The following ECH1 variants were observed in gnomAD, a reference collection of about 807,000 sequenced individuals.
ECH1 encodes the protein enoyl-CoA hydratase 1.
ECH1 carries 30 observed loss-of-function variants against 37.0 expected under a neutral mutation model. That is an observed-to-expected ratio of 0.81 (90% confidence interval 0.61 to 1.10). The LOEUF (loss-of-function observed/expected upper bound fraction) is 1.10, where lower values mean the gene tolerates loss of function less well. Ranked by LOEUF, ECH1 falls within the 50% of genes least tolerant of loss-of-function variation. The pLI, the probability that ECH1 is intolerant of heterozygous loss-of-function variation, is 0.00. For missense variants in ECH1, 456 were observed against 441.6 expected (o/e 1.03, Z -0.29); for synonymous variants, 178 against 176.0 (o/e 1.01, Z -0.09).
At chr19:38,819,146 G>C in intron 3 of ECH1, 1 of 985,390 alleles carries the variant, frequency 1.0e-6, no homozygotes, top group Non-Finnish European at 1.2e-6. Flanking sequence ...GCAGGACAGA[G>C]AGGTGAAAAG....
chr19:38,821,045 G>A (rs1025242094), intron 3 of ECH1, among the ~76,000 whole-genome samples: 2 of 152,260 alleles, frequency 1.3e-5, no homozygotes, highest in African/African-American at 2.4e-5. Flanking sequence ...TTGGGAGGCT[G>A]AGGCAGGAGG....
chr19:38,816,338 G>C lies in ECH1; in HGVS notation c.677C>G (p.Ala226Gly), dbSNP rs761626269. 1.1e-5 allele frequency: 17 copies of C among 1,613,710 alleles called. No individual in the cohort carries two copies. The South Asian group carries it at 1.9e-4, about 18-fold the overall frequency. ...IGNQSLVNEL[A>G]FTARKMMADE... Reference sequence around the variant, plus strand: ...AGCCATCATCTTGCGGGCGGTGAAGGCCAGCTCGTTGACCAGGCTGCAAAG... The same window carrying C: ...AGCCATCATCTTGCGGGCGGTGAAGCCCAGCTCGTTGACCAGGCTGCAAAG... Residue 226 changes from alanine to glycine, a missense_variant, in exon 8 of 10, where the codon GCC becomes GGC. Physicochemically the swap from Ala to Gly is moderately conservative, Grantham distance 60 (BLOSUM62 0). Transcript: ENST00000221418.
chr19:38,831,458 A>G lies in ECH1; in HGVS notation c.111T>C (p.Ser37=), dbSNP rs1399574511. 8 of 1,614,110 alleles carry G rather than the reference A, an allele frequency of 5.0e-6. No homozygotes were observed. In the South Asian group the frequency reaches 8.8e-5, roughly 18 times the overall value. Residue 37 remains serine, a synonymous_variant, in exon 2 of 10, where the codon TCT becomes TCC. Coordinates refer to ENST00000221418, the MANE Select transcript of ECH1 (RefSeq NM_001398.3). ...CTACTCCGGAAGCCTCCTCTTGTGCAGAGGAGCCAGTGAGGCGAAGGCTAA... is the reference window on the plus strand; with the variant it reads ...CTACTCCGGAAGCCTCCTCTTGTGCGGAGGAGCCAGTGAGGCGAAGGCTAA... The part of the protein sequence containing the change: ...LSISLRLTGS[S]AQEEASGVAL...
chr19:38,829,286 A>G (rs376342021), intron 3 of ECH1, among the ~76,000 whole-genome samples: 1,093 of 29,400 alleles, frequency 0.037, 8 homozygotes, highest in Non-Finnish European at 0.068. Flanking sequence ...CTCCTTCTCC[A>G]AAAAAAAAAA....
chr19:38,831,230 C>T lies in ECH1; in HGVS notation c.261-64G>A, dbSNP rs1971816631. ...AATACCCTGCCCTCATGTCCATCTT[C>T]CCACAACGTTCCACTTTCACCCAGT... On this transcript the variant is annotated intron_variant, in intron 2 of 9. Transcript: ENST00000221418. 8 of 1,611,194 alleles carry T rather than the reference C, an allele frequency of 5.0e-6. No homozygotes were observed. The South Asian group carries it at 5.5e-5, about 11-fold the overall frequency.
chr19:38,816,084 C>G, intron 8 of ECH1, 77 bp from the exon 9 acceptor site: 1 of 1,584,084 alleles, frequency 6.3e-7, no homozygotes, highest in South Asian at 1.1e-5. Context: ...GAAGAAGTGG[C>G]CACTCACAGA....
intron 3 of ECH1, among the ~76,000 whole-genome samples, chr19:38,818,775 C>T (rs541002995): frequency 3.8e-4 from 58 of 152,204 alleles, no homozygotes; most frequent in Non-Finnish European, 6.5e-4. Flanking sequence ...CGTGAGCCAC[C>T]GTGCCCGGCC....
intron 7 of ECH1, 41 bp from the exon 8 acceptor site, chr19:38,816,396 G>C (rs189100558): frequency 1.9e-6 from 3 of 1,613,768 alleles, no homozygotes; most frequent in East Asian, 4.5e-5. Flanking sequence ...CTGCCACCCC[G>C]GGGCTGGGAG....
chr19:38,825,936 C>T (rs1971732952), intron 3 of ECH1, among the ~76,000 whole-genome samples: 1 of 152,216 alleles, frequency 6.6e-6, no homozygotes, highest in Non-Finnish European at 1.5e-5. Context: ...TCATCACCCT[C>T]ACTGAGCCCC....
At chr19:38,822,123 T>A (rs1354602621) in intron 3 of ECH1, among the ~76,000 whole-genome samples, 2 of 152,060 alleles carry the variant, frequency 1.3e-5, no homozygotes, top group East Asian at 3.9e-4. Context: ...GCACCCTGTG[T>A]CTAGCTCAAG....
At chr19:38,829,297 A>AG (rs1460817432) in intron 3 of ECH1, among the ~76,000 whole-genome samples, 2 of 150,512 alleles carry the variant, frequency 1.3e-5, no homozygotes, top group East Asian at 3.9e-4. Context: ...AAAAAAAAAA[A>AG]AAAAAAAAAA....
At chr19:38,816,844 G>T in intron 6 of ECH1, 1 of 645,188 alleles carries the variant, frequency 1.5e-6, no homozygotes, top group Non-Finnish European at 2.7e-6. Flanking sequence ...ACCCTCACCA[G>T]TATGGCCCCA....
rs778390273 is a variant in ECH1, at chr19:38,831,744, C to T, written c.29G>A (p.Arg10Lys). 1.2e-6 allele frequency: 2 copies of T among 1,613,108 alleles called. No individual in the cohort carries two copies. Among genetic ancestry groups the T allele is most frequent in the African/African-American group, 1.3e-5 (1 of 74,928 alleles). Reference protein sequence around the residue: MAAGIVASRRLRDLLTRRLT... With the variant: MAAGIVASRKLRDLLTRRLT... ...ACGCCGGGTCAGTAGGTCGCGGAGT[C>T]TGCGAGAAGCCACTATCCCCGCCGC... The change falls in exon 1 of 10, where the codon AGA becomes AAA. Residue 10 changes from arginine (R) to lysine (K), a missense_variant. Coordinates refer to ENST00000221418, the MANE Select transcript of ECH1 (RefSeq NM_001398.3).
intron 8 of ECH1, 41 bp from the exon 9 acceptor site, chr19:38,816,048 G>GCT: frequency 6.2e-7 from 1 of 1,608,712 alleles, no homozygotes; most frequent in Non-Finnish European, 8.5e-7. Context: ...GCTGGGAAGG[G>GCT]CTCTCTCCTC....
intron 3 of ECH1, among the ~76,000 whole-genome samples, chr19:38,826,758 T>C (rs1187045382): frequency 1.3e-5 from 2 of 152,142 alleles, no homozygotes; most frequent in African/African-American, 4.8e-5. Flanking sequence ...GGTTTAGGGA[T>C]AGGCCTCATC....
chr19:38,816,142 G>A, intron 8 of ECH1, 135 bp from the exon 9 acceptor site: 1 of 1,471,966 alleles, frequency 6.8e-7, no homozygotes, highest in South Asian at 1.3e-5. Flanking sequence ...GCAGGGGGCT[G>A]ACCCCACAAT....
At chr19:38,822,865 T>C (rs1971684598) in intron 3 of ECH1, 1 of 152,512 alleles carries the variant, frequency 6.6e-6, no homozygotes, top group Admixed American at 6.5e-5. Context: ...TCCCCTTCCA[T>C]GCTATGGAAG....
intron 3 of ECH1, among the ~76,000 whole-genome samples, chr19:38,822,386 A>G (rs965904418): frequency 2.0e-5 from 3 of 151,304 alleles, no homozygotes; most frequent in Non-Finnish European, 2.9e-5. Context: ...TAAACAACCA[A>G]TCAGCACTCT....
In ECH1 at chr19:38,817,344, A is replaced by G; in HGVS notation, c.495T>C (p.Ala165=). 6.3e-7 allele frequency: 1 copy of G among 1,583,462 alleles called. No homozygotes were observed. Among genetic ancestry groups the G allele is most frequent in the Non-Finnish European group, 8.6e-7 (1 of 1,163,560 alleles). The change falls in exon 5 of 10, where the codon GCT becomes GCC. Residue 165 remains alanine, a synonymous_variant. Coordinates refer to ENST00000221418, the MANE Select transcript of ECH1 (RefSeq NM_001398.3). The part of the protein sequence containing the change: ...VIERCPKPVI[A]AVHGGCIGGG... ...CGCCAATGCAGCCCCCATGGACGGC[A>G]GCAATCACGGGCTTGGGGCACTGAG...
Sources: gnomAD v4.1 joint callset for allele counts (sites outside exome capture counted in the v4.1 genomes callset) on GRCh38, gnomAD v4.1.1 for gene constraint, MANE v1.5 for transcripts, NCBI Gene and HGNC (gene_info 2026-07-23, HGNC 2026-07-21) for gene names.